The following LRP1B variants were observed in gnomAD, a reference collection of about 807,000 sequenced individuals.
LRP1B encodes the protein LDL receptor related protein 1B.
Under a neutral mutation model 556.6 loss-of-function variants are expected in LRP1B, and 217 were observed. The ratio of observed to expected loss-of-function variants is 0.39; its 90% CI spans 0.35 to 0.44. The LOEUF is 0.44. LRP1B is among the 20% of genes least tolerant of loss of function. LRP1B has a pLI of 1.00. For synonymous variants in LRP1B, 2,047 were observed against 1,865.8 expected, an observed-to-expected ratio of 1.10 and a Z score of -2.50; for missense variants, 5,053 against 5,620.8, an observed-to-expected ratio of 0.90 and a Z score of 3.23.
At chr2:141,675,040 C>G (rs972977514) in intron 2 of LRP1B, among the ~76,000 whole-genome samples, 2 of 151,694 alleles carry the variant, frequency 1.3e-5, no homozygotes, top group African/African-American at 2.4e-5. Flanking sequence ...TGTTTAGAAA[C>G]TTTTGTTTTT....
In LRP1B at chr2:140,325,850, G is replaced by A. The variant is rs752791444; in HGVS notation, c.12252C>T (p.Arg4084=). ...AGAGCTCAAAGTCAGCCCAATATAT[G>A]CGTTCACTAAAATAATCCACAGCCA... is the stretch of plus-strand genomic sequence containing the variant. ...TGLAVDYFSE[R]IYWADFELSI... Residue 4084 remains arginine, a synonymous_variant, in exon 80 of 91, where the codon CGC becomes CGT. Transcript: ENST00000389484. 3.7e-6 allele frequency: 6 copies of A among 1,612,554 alleles called. No homozygotes were observed. The highest frequency in any genetic ancestry group is 5.1e-6 in the Non-Finnish European group (6 of 1,179,106).
intron 80 of LRP1B, among the ~76,000 whole-genome samples, chr2:140,324,525 C>A (rs2105060898): frequency 1.3e-5 from 2 of 151,876 alleles, no homozygotes; most frequent in East Asian, 1.9e-4. Flanking sequence ...ATGAGTAAAT[C>A]CAAAAATAAT....
chr2:140,814,250 T>C (rs945401009), intron 31 of LRP1B, among the ~76,000 whole-genome samples: 1 of 152,160 alleles, frequency 6.6e-6, no homozygotes, highest in African/African-American at 2.4e-5. Context: ...ACTGCTGAGA[T>C]AACAGGCATG....
chr2:140,791,851 G>T (rs952636408), intron 32 of LRP1B, among the ~76,000 whole-genome samples: 5 of 152,272 alleles, frequency 3.3e-5, no homozygotes, highest in Admixed American at 6.5e-5. Context: ...TTTGGTAAAA[G>T]AATTATTTTG....
intron 3 of LRP1B, among the ~76,000 whole-genome samples, chr2:141,318,002 C>T (rs1376829598): frequency 6.6e-6 from 1 of 151,964 alleles, no homozygotes; most frequent in African/African-American, 2.4e-5. Flanking sequence ...CTGTCAGTCC[C>T]TCATGCAGTC....
At chr2:141,702,842 C>T (rs1339343986) in intron 2 of LRP1B, among the ~76,000 whole-genome samples, 1 of 151,872 alleles carries the variant, frequency 6.6e-6, no homozygotes, top group African/African-American at 2.4e-5. Context: ...ACTACTTGAG[C>T]TTCTTTCTAA....
chr2:141,987,126 A>G (rs1702213975), intron 1 of LRP1B, among the ~76,000 whole-genome samples: 1 of 146,806 alleles, frequency 6.8e-6, no homozygotes, highest in Non-Finnish European at 1.5e-5. Flanking sequence ...AGCATGAAAC[A>G]TCTATTAGAG....
intron 2 of LRP1B, among the ~76,000 whole-genome samples, chr2:141,586,997 A>G (rs1687166171): frequency 6.6e-6 from 1 of 151,948 alleles, no homozygotes; most frequent in Non-Finnish European, 1.5e-5. Context: ...GGAAATACTC[A>G]TATATGACAC....
intron 66 of LRP1B, among the ~76,000 whole-genome samples, chr2:140,439,251 C>T (rs898317442): frequency 2.0e-5 from 3 of 152,180 alleles, no homozygotes; most frequent in Admixed American, 2.0e-4. Context: ...TTTGGTCAGA[C>T]ATTCAAATCT....
At chr2:140,504,879 C>T (rs1350077180) in intron 53 of LRP1B, among the ~76,000 whole-genome samples, 1 of 152,190 alleles carries the variant, frequency 6.6e-6, no homozygotes, top group Admixed American at 6.5e-5. Context: ...CTCCTTTGCT[C>T]CATGGCAGTA....
chr2:141,496,936 G>T (rs1683530945), intron 2 of LRP1B, among the ~76,000 whole-genome samples: 1 of 151,918 alleles, frequency 6.6e-6, no homozygotes. Flanking sequence ...AAGTACAAAT[G>T]ATCTGATCAT....
intron 3 of LRP1B, among the ~76,000 whole-genome samples, chr2:141,367,965 T>C (rs1469870593): frequency 6.6e-6 from 1 of 152,098 alleles, no homozygotes; most frequent in African/African-American, 2.4e-5. Context: ...CCAACACATG[T>C]GAAAAAGCTT....
At chr2:140,677,480 A>G (rs774117673) in intron 41 of LRP1B, among the ~76,000 whole-genome samples, 30 of 152,224 alleles carry the variant, frequency 2.0e-4, no homozygotes, top group Non-Finnish European at 3.4e-4. Flanking sequence ...ACCATACACA[A>G]TGGTTTCAAC....
At chr2:140,824,139 T>C (rs1304736623) in intron 31 of LRP1B, among the ~76,000 whole-genome samples, 1 of 136,708 alleles carries the variant, frequency 7.3e-6, no homozygotes, top group Non-Finnish European at 1.6e-5. Flanking sequence ...TAAAAAAAAA[T>C]AGAAAACACA....
intron 22 of LRP1B, among the ~76,000 whole-genome samples, chr2:140,905,775 C>T (rs1694233853): frequency 1.3e-5 from 2 of 152,058 alleles, no homozygotes; most frequent in South Asian, 4.1e-4. Context: ...TCACAGTGGA[C>T]TATCACAAGA....
At chr2:141,134,261 C>T (rs913864963) in intron 7 of LRP1B, among the ~76,000 whole-genome samples, 34 of 151,786 alleles carry the variant, frequency 2.2e-4, no homozygotes, top group African/African-American at 8.2e-4. Context: ...CTCCTTCAGG[C>T]CTTTGCTCCT....
chr2:142,051,110 AAG>A lies in LRP1B; in HGVS notation c.82+79536_82+79537del, dbSNP rs1477444600. On this transcript the variant is annotated intron_variant, in intron 1 of 90. Coordinates refer to ENST00000389484, the MANE Select transcript of LRP1B (RefSeq NM_018557.3). ...CCATGAAAGAGGATATGAACATTTG[AAG>A]AGAGTATGGCCAGTAAAGTAGAGGA... Among the ~76,000 whole-genome samples the A allele has an allele frequency of 2.0e-5, 3 of 152,202 alleles. No individual in the cohort carries two copies. In the South Asian group the frequency reaches 6.2e-4, roughly 32 times the overall value.
At chr2:141,538,194 C>A (rs999845099) in intron 2 of LRP1B, among the ~76,000 whole-genome samples, 4 of 152,060 alleles carry the variant, frequency 2.6e-5, no homozygotes, top group African/African-American at 7.2e-5. Context: ...ATATTCTGAG[C>A]AAGATTTTTG....
At chr2:141,053,496 A>T (rs566600812) in intron 10 of LRP1B, among the ~76,000 whole-genome samples, 1 of 152,070 alleles carries the variant, frequency 6.6e-6, no homozygotes, top group Admixed American at 6.6e-5. Flanking sequence ...GTATGTTTTT[A>T]AAGTTAACAT....
Sources: allele counts gnomAD v4.1 joint callset (sites outside exome capture counted in the v4.1 genomes callset), GRCh38; gene constraint gnomAD v4.1.1; transcripts MANE v1.5; gene names NCBI Gene and HGNC (gene_info 2026-07-23, HGNC 2026-07-21).